The following PBRM1 variants were observed in gnomAD, a reference collection of about 807,000 sequenced individuals.
PBRM1 encodes polybromo 1.
PBRM1 carries 27 observed loss-of-function variants against 194.5 expected under a neutral mutation model. The observed-to-expected ratio is 0.14, with a 90% CI of 0.10 to 0.19. PBRM1 has a LOEUF of 0.19. PBRM1 is among the 10% of genes least tolerant of loss of function. The pLI, the probability that PBRM1 is intolerant of heterozygous loss-of-function variation, is 1.00. For synonymous variants in PBRM1, 655 were observed against 693.2 expected (o/e 0.94, Z 0.87); for missense variants, 1,466 against 2,077.2 (o/e 0.71, Z 5.72).
chr3:52,614,796 C>G (rs552285343), intron 15 of PBRM1, among the ~76,000 whole-genome samples: 2 of 152,044 alleles, frequency 1.3e-5, no homozygotes, highest in Non-Finnish European at 2.9e-5. Context: ...GTCCTGAACT[C>G]CTGACCTCAA....
chr3:52,619,050 T>C (rs1241249450), intron 13 of PBRM1, among the ~76,000 whole-genome samples: 1 of 152,016 alleles, frequency 6.6e-6, no homozygotes, highest in Non-Finnish European at 1.5e-5. Context: ...GGCTCGGCTG[T>C]GCCCGGCTAA....
chr3:52,671,660 CAATA>C (rs1181538944), intron 2 of PBRM1, among the ~76,000 whole-genome samples: 1 of 152,188 alleles, frequency 6.6e-6, no homozygotes. Flanking sequence ...ATGTGGCAAA[CAATA>C]AATACATGCT....
chr3:52,563,145 A>G (rs1284049507), intron 24 of PBRM1, 138 bp downstream of exon 26: 5 of 526,726 alleles, frequency 9.5e-6, no homozygotes, highest in Non-Finnish European at 1.3e-5. Flanking sequence ...CATGGCACTG[A>G]CAAAATCTGT....
intron 22 of PBRM1, among the ~76,000 whole-genome samples, chr3:52,574,514 C>CA (rs1359657568): frequency 2.0e-5 from 3 of 152,142 alleles, no homozygotes; most frequent in Non-Finnish European, 2.9e-5. Context: ...GTAGATATGA[C>CA]AAAAGGCCTC....
rs1393354666 is a variant in PBRM1 at position 52,586,697 on chromosome 3, TG to T, written c.3124-10del. 2.9e-6 allele frequency: 4 copies of T among 1,361,572 alleles called. No homozygotes were observed. In the Admixed American group the frequency reaches 8.7e-5, roughly 30 times the overall value. 84.3% of individuals were successfully genotyped at this position (1,361,572 alleles called of 1,614,324 possible). The stretch of plus-strand genomic sequence containing the variant: ...CATAACTTAAAGTATTCCTGGGGGG[TG>T]GGGAGGGCATAAGAATAAAACTAGT... On this transcript the variant is annotated splice_polypyrimidine_tract_variant and intron_variant, in intron 19 of 29. Transcript: ENST00000296302.
At position 52,610,014 on chromosome 3, in the gene PBRM1, G is replaced by C; in HGVS notation, c.1925-59C>G. 3.8e-6 allele frequency: 4 copies of C among 1,048,632 alleles called. No individual in the cohort carries two copies. In the South Asian group the frequency reaches 8.6e-5, roughly 23 times the overall value. 65.0% of individuals were successfully genotyped at this position (1,048,632 alleles called of 1,614,324 possible). On this transcript the variant is annotated intron_variant, in intron 15 of 29. Transcript: ENST00000296302. ...ATAAATGAACCTAAATTTGTATACA[G>C]ATGGTAGCATAACCACAAGGGACGA... is the stretch of plus-strand genomic sequence containing the variant.
chr3:52,609,602 G>A lies in PBRM1; in HGVS notation c.2278C>T (p.Arg760Cys), dbSNP rs1328407334. ...TCCTCATCTCCCTCCAGGTCTCTGC[G>A]TGTTTCAAGCAGGACTTTGTGTAGA... The change falls in exon 16 of 30, where the codon CGC (arginine) becomes TGC (cysteine). Residue 760 changes from arginine to cysteine, a missense_variant. Around this residue, in one of 5 missense-constraint regions of PBRM1, gnomAD observed 687 missense variants for 946.2 expected, o/e 0.73. Transcript: ENST00000296302. The surrounding 1 kb of genome is among the most constrained non-coding windows in gnomAD (Gnocchi z 4.1). The A allele has an allele frequency of 1.9e-6, 3 of 1,612,768 alleles. No individual in the cohort carries two copies. Among genetic ancestry groups the A allele is most frequent in the African/African-American group, 1.3e-5 (1 of 75,006 alleles).
At chr3:52,553,755 A>C (rs1310529059) in intron 27 of PBRM1, among the ~76,000 whole-genome samples, 1 of 145,142 alleles carries the variant, frequency 6.9e-6, no homozygotes, top group Non-Finnish European at 1.5e-5. Flanking sequence ...TCTGCCTCCC[A>C]GGTTCAAGTG....
chr3:52,675,379 C>T (rs749788666), intron 2 of PBRM1, among the ~76,000 whole-genome samples: 2 of 152,192 alleles, frequency 1.3e-5, no homozygotes, highest in Non-Finnish European at 2.9e-5. Flanking sequence ...GCTAGCATTA[C>T]TCTGATACCA....
At chr3:52,683,919 C>A (rs376510865), upstream of PBRM1, among the ~76,000 whole-genome samples, 27 of 110,586 alleles carry the variant, frequency 2.4e-4, no homozygotes, top group East Asian at 6.2e-3. Context: ...ATCTGTAGTC[C>A]CAGCACTTGG....
chr3:52,594,997 G>A (rs577988215), intron 17 of PBRM1, among the ~76,000 whole-genome samples: 1 of 152,040 alleles, frequency 6.6e-6, no homozygotes, highest in East Asian at 1.9e-4. Context: ...CTTTCATTTT[G>A]ACCTTGGAGA....
chr3:52,651,183 G>C (rs989792007), intron 6 of PBRM1, among the ~76,000 whole-genome samples: 2 of 152,192 alleles, frequency 1.3e-5, no homozygotes, highest in Admixed American at 6.5e-5. Flanking sequence ...TAGGTACATA[G>C]CAAGTCTATG....
chr3:52,636,840 CAG>C (rs1222341191), intron 10 of PBRM1, among the ~76,000 whole-genome samples: 2 of 125,032 alleles, frequency 1.6e-5, no homozygotes, highest in African/African-American at 3.0e-5. Flanking sequence ...GCCTGGGCGA[CAG>C]AGTGAGACTC....
intron 11 of PBRM1, among the ~76,000 whole-genome samples, chr3:52,629,803 CG>C (rs2095560531): frequency 1.3e-5 from 2 of 152,156 alleles, no homozygotes; most frequent in African/African-American, 4.8e-5. Context: ...AGCATTTGCA[CG>C]TTAACCATCA....
rs755241328 is a variant in PBRM1, at chr3:52,637,773, C to CAAAAAAAAAAAAAAAAAAAAAAAA, written c.1088-2982_1088-2959dup. Among the ~76,000 whole-genome samples the CAAAAAAAAAAAAAAAAAAAAAAAA allele has an allele frequency of 1.8e-3, 76 of 42,226 alleles. 7 individuals are homozygous for CAAAAAAAAAAAAAAAAAAAAAAAA. Among genetic ancestry groups the CAAAAAAAAAAAAAAAAAAAAAAAA allele is most frequent in the Non-Finnish European group, 3.0e-3 (57 of 18,910 alleles). 27.7% of individuals were successfully genotyped at this position (42,226 alleles called of 152,430 possible). ...CAAAACCATGTCTCTACTAAAAATA[C>CAAAAAAAAAAAAAAAAAAAAAAAA]AAAAAAAAAAAAAAAAAAAAAAAAT... On this transcript the variant is annotated intron_variant, in intron 10 of 29. Coordinates refer to ENST00000296302, the Ensembl canonical transcript of PBRM1.
At chr3:52,650,852 T>C (rs2096471199) in intron 6 of PBRM1, among the ~76,000 whole-genome samples, 1 of 152,192 alleles carries the variant, frequency 6.6e-6, no homozygotes, top group Non-Finnish European at 1.5e-5. Context: ...CAATTTCTGG[T>C]ACAATTTAGC....
intron 3 of PBRM1, among the ~76,000 whole-genome samples, chr3:52,664,466 T>G (rs1577993001): frequency 6.9e-6 from 1 of 145,522 alleles, no homozygotes; most frequent in Non-Finnish European, 1.5e-5. Flanking sequence ...CTGGGCGCGG[T>G]GGCTCACGCC....
intron 2 of PBRM1, among the ~76,000 whole-genome samples, chr3:52,677,655 C>A (rs1029634495): frequency 4.6e-5 from 7 of 151,652 alleles, no homozygotes; most frequent in Admixed American, 2.6e-4. Flanking sequence ...TCAGCTGATC[C>A]ACCCGCCTTC....
Position 52,637,773 on chromosome 3 carries a change from C to CAAAAAAAAAAAAAA in PBRM1, c.1088-2972_1088-2959dup, listed in dbSNP as rs755241328. ...CAAAACCATGTCTCTACTAAAAATA[C>CAAAAAAAAAAAAAA]AAAAAAAAAAAAAAAAAAAAAAAAT... On this transcript the variant is annotated intron_variant, in intron 10 of 29. Coordinates refer to ENST00000296302, the Ensembl canonical transcript of PBRM1. Among the ~76,000 whole-genome samples, 273 of 42,212 alleles carry CAAAAAAAAAAAAAA rather than the reference C, an allele frequency of 6.5e-3. 13 individuals are homozygous for CAAAAAAAAAAAAAA. Among genetic ancestry groups the CAAAAAAAAAAAAAA allele is most frequent in the African/African-American group, 0.01 (159 of 15,194 alleles). 27.7% of individuals were successfully genotyped at this position (42,212 alleles called of 152,430 possible).
Sources: gnomAD v4.1 joint callset for allele counts (sites outside exome capture counted in the v4.1 genomes callset) on GRCh38, gnomAD v4.1.1 for gene constraint, gnomAD v4.1.1 regional missense constraint, Gnocchi (gnomAD v3.1) non-coding constraint, MANE v1.5 for transcripts, NCBI Gene and HGNC (gene_info 2026-07-23, HGNC 2026-07-21) for gene names.